BMPR1B: variants seen among roughly 807,000 people sequenced by gnomAD.
BMPR1B encodes bone morphogenetic protein receptor type-1B.
BMPR1B carries 12 observed loss-of-function variants against 59.1 expected under a neutral mutation model. That is an observed-to-expected ratio of 0.20 (90% CI 0.13 to 0.33). The LOEUF is 0.33. BMPR1B is among the 10% of genes least tolerant of loss of function. The pLI is 1.00. For synonymous variants in BMPR1B, 237 were observed against 207.3 expected (o/e 1.14, Z -1.23); for missense variants, 550 against 610.9 (o/e 0.90, Z 1.05).
At chr4:94,915,430 A>G (rs952159978) in intron 2 of BMPR1B, among the ~76,000 whole-genome samples, 1 of 152,184 alleles carries the variant, frequency 6.6e-6, no homozygotes, top group Non-Finnish European at 1.5e-5. Context: ...CCCTCCTCCC[A>G]TGCTTACATA....
intron 3 of BMPR1B, among the ~76,000 whole-genome samples, chr4:95,002,893 A>AT (rs1331126322): frequency 6.6e-6 from 1 of 152,084 alleles, no homozygotes. Flanking sequence ...TTACTAGTGA[A>AT]TTTGAGTTAT....
intron 2 of BMPR1B, among the ~76,000 whole-genome samples, chr4:94,954,488 T>G (rs943088330): frequency 1.3e-4 from 20 of 152,208 alleles, no homozygotes; most frequent in African/African-American, 4.6e-4. Context: ...TGCCAAAGAC[T>G]CTGTTTACAT....
intron 1 of BMPR1B, among the ~76,000 whole-genome samples, chr4:94,850,626 C>T (rs1352547535): frequency 6.6e-6 from 1 of 152,146 alleles, no homozygotes; most frequent in Non-Finnish European, 1.5e-5. Context: ...GAATTTCTAT[C>T]CTTCATCCTG....
At chr4:95,030,467 G>A (rs1724752586) in intron 3 of BMPR1B, among the ~76,000 whole-genome samples, 1 of 151,998 alleles carries the variant, frequency 6.6e-6, no homozygotes, top group South Asian at 2.1e-4. Flanking sequence ...TTCTGTTCAG[G>A]GATGCCCTCT....
At chr4:94,758,150 C>T in intron 1 of BMPR1B, 82 bp downstream of exon 1, 1 of 150,450 alleles carries the variant, frequency 6.6e-6, no homozygotes, top group Non-Finnish European at 1.5e-5. Context: ...CCGGCGAGAG[C>T]CGGGCAGAGC....
At chr4:95,098,340 G>A (rs1730577893) in intron 3 of BMPR1B, among the ~76,000 whole-genome samples, 1 of 152,070 alleles carries the variant, frequency 6.6e-6, no homozygotes, top group African/African-American at 2.4e-5. Context: ...TAGCTGATAT[G>A]TTCTGTCTTG....
intron 3 of BMPR1B, among the ~76,000 whole-genome samples, chr4:95,018,889 C>T (rs1032820556): frequency 6.6e-6 from 1 of 152,156 alleles, no homozygotes; most frequent in Admixed American, 6.5e-5. Flanking sequence ...ATTGGCACCT[C>T]GGACTTCATA....
Position 94,914,774 on chromosome 4 carries a change from G to T in BMPR1B, c.-113+38874G>T, listed in dbSNP as rs561459369. Among the ~76,000 whole-genome samples the T allele has an allele frequency of 2.0e-5, 3 of 152,196 alleles. No homozygotes were observed. The South Asian group carries it at 6.2e-4, about 32-fold the overall frequency. On this transcript the variant is annotated intron_variant, in intron 2 of 12. Transcript: ENST00000515059. The stretch of plus-strand genomic sequence containing the variant: ...AGGGAAATGGGTGACCGACATACAG[G>T]TGGTCACTGGAGATTAGGGGACTGT...
At chr4:94,877,146 T>G (rs1269772808) in intron 2 of BMPR1B, among the ~76,000 whole-genome samples, 1 of 152,150 alleles carries the variant, frequency 6.6e-6, no homozygotes, top group Admixed American at 6.5e-5. Flanking sequence ...GCATAAAAAC[T>G]CACATTGATT....
At chr4:94,801,522 C>T (rs1560491737) in intron 1 of BMPR1B, among the ~76,000 whole-genome samples, 3 of 152,184 alleles carry the variant, frequency 2.0e-5, no homozygotes, top group Non-Finnish European at 4.4e-5. Context: ...TCACACTTAA[C>T]ATTAGCTGCT....
chr4:94,800,447 AT>A (rs71583665), intron 1 of BMPR1B, among the ~76,000 whole-genome samples: 32,496 of 119,978 alleles, frequency 0.27, 3,002 homozygotes, highest in African/African-American at 0.36. Flanking sequence ...GGTCTTTACT[AT>A]TTTTTTTTTT....
intron 1 of BMPR1B, among the ~76,000 whole-genome samples, chr4:94,831,746 A>T (rs1409738340): frequency 6.6e-6 from 1 of 152,176 alleles, no homozygotes; most frequent in Non-Finnish European, 1.5e-5. Context: ...GGAGATGAAC[A>T]GCAGGGAAGC....
chr4:94,939,496 A>G (rs1288418991), intron 2 of BMPR1B, among the ~76,000 whole-genome samples: 1 of 152,160 alleles, frequency 6.6e-6, no homozygotes, highest in Non-Finnish European at 1.5e-5. Flanking sequence ...ATATTTGGAT[A>G]TTTTCCTAGA....
chr4:94,834,847 A>G (rs1724739450), intron 1 of BMPR1B, among the ~76,000 whole-genome samples: 1 of 152,012 alleles, frequency 6.6e-6, no homozygotes, highest in Non-Finnish European at 1.5e-5. Context: ...AAATAAATAT[A>G]TTTAATAAGT....
intron 1 of BMPR1B, among the ~76,000 whole-genome samples, chr4:94,857,382 C>CT (rs1293203960): frequency 4.6e-5 from 7 of 152,234 alleles, no homozygotes; most frequent in Middle Eastern, 3.4e-3. Context: ...AAGGTTAGCA[C>CT]TTTATCTTCA....
intron 3 of BMPR1B, among the ~76,000 whole-genome samples, chr4:95,007,198 T>C (rs1036400680): frequency 3.3e-5 from 5 of 152,194 alleles, no homozygotes; most frequent in Non-Finnish European, 5.9e-5. Flanking sequence ...CTCTGGAATG[T>C]TTTTTGAGGC....
At chr4:94,932,088 TA>T (rs1435787198) in intron 2 of BMPR1B, among the ~76,000 whole-genome samples, 1 of 152,092 alleles carries the variant, frequency 6.6e-6, no homozygotes, top group Non-Finnish European at 1.5e-5. Context: ...CTGTTCCAAA[TA>T]AAAAGTAAGT....
chr4:94,931,849 C>T (rs1729104816), intron 2 of BMPR1B, among the ~76,000 whole-genome samples: 2 of 151,996 alleles, frequency 1.3e-5, no homozygotes, highest in South Asian at 4.1e-4. Context: ...TGTGGCGTTT[C>T]CATTGTCTGG....
At chr4:94,911,172 A>G (rs1436074575) in intron 2 of BMPR1B, among the ~76,000 whole-genome samples, 2 of 152,170 alleles carry the variant, frequency 1.3e-5, no homozygotes, top group Non-Finnish European at 2.9e-5. Context: ...TAAAGTCTAA[A>G]TATTACTGGC....
Sources: allele counts gnomAD v4.1 joint callset (sites outside exome capture counted in the v4.1 genomes callset), GRCh38; gene constraint gnomAD v4.1.1; transcripts MANE v1.5; gene names NCBI Gene and HGNC (gene_info 2026-07-23, HGNC 2026-07-21).